PDGFD: variants seen among roughly 807,000 people sequenced by gnomAD.
PDGFD encodes the protein platelet-derived growth factor D.
A neutral mutation model predicts 44.7 loss-of-function variants in PDGFD; 30 were observed. The ratio of observed to expected loss-of-function variants is 0.67; its 90% CI spans 0.50 to 0.91. The LOEUF (loss-of-function observed/expected upper bound fraction) is 0.91, where lower values mean the gene tolerates loss of function less well. Among genes scored for constraint, PDGFD ranks in the 40% least tolerant of loss-of-function variants. The pLI, the probability that PDGFD is intolerant of heterozygous loss-of-function variation, is 0.00. For synonymous variants in PDGFD, 173 were observed against 168.4 expected, an observed-to-expected ratio of 1.03 and a Z score of -0.21; for missense variants, 445 against 457.8, an observed-to-expected ratio of 0.97 and a Z score of 0.25.
At chr11:104,151,457 T>C (rs559254923) in intron 1 of PDGFD, among the ~76,000 whole-genome samples, 24 of 152,280 alleles carry the variant, frequency 1.6e-4, no homozygotes, top group Middle Eastern at 3.4e-3. Context: ...TAGGTTCCCA[T>C]TGTTCTTAGA....
intron 5 of PDGFD, among the ~76,000 whole-genome samples, chr11:103,936,044 T>C (rs1278840165): frequency 2.0e-5 from 3 of 152,178 alleles, no homozygotes; most frequent in Non-Finnish European, 4.4e-5. Context: ...TAAATAAAAC[T>C]TTCACTTGGT....
chr11:104,112,093 G>A (rs1449423371), intron 1 of PDGFD, among the ~76,000 whole-genome samples: 2 of 152,102 alleles, frequency 1.3e-5, no homozygotes, highest in Non-Finnish European at 2.9e-5. Context: ...TAAATGCAAA[G>A]ATACTTATTA....
intron 3 of PDGFD, among the ~76,000 whole-genome samples, chr11:103,958,590 A>G (rs1250259268): frequency 6.6e-6 from 1 of 152,196 alleles, no homozygotes; most frequent in Non-Finnish European, 1.5e-5. Context: ...TTGCAAGCAC[A>G]GTGCCTGGTA....
intron 5 of PDGFD, among the ~76,000 whole-genome samples, chr11:103,928,082 G>A (rs151107569): frequency 6.6e-6 from 1 of 152,300 alleles, no homozygotes; most frequent in African/African-American, 2.4e-5. Context: ...GGACTTCTAT[G>A]AACTAAAAGC....
At chr11:103,947,440 T>C (rs1858682460) in intron 4 of PDGFD, among the ~76,000 whole-genome samples, 1 of 152,080 alleles carries the variant, frequency 6.6e-6, no homozygotes, top group African/African-American at 2.4e-5. Flanking sequence ...TGTGAGTTCC[T>C]ACCATGCTAT....
intron 1 of PDGFD, among the ~76,000 whole-genome samples, chr11:104,083,172 A>G (rs1361311940): frequency 6.6e-6 from 1 of 152,232 alleles, no homozygotes; most frequent in Non-Finnish European, 1.5e-5. Context: ...GTTTAAAGTT[A>G]TATATAGAAT....
Position 104,114,443 on chromosome 11 carries a change from A to G in PDGFD, c.124+49361T>C, listed in dbSNP as rs913764640. ...ATTTCTGTGCTCTCTATTCCGTTCC[A>G]CTGATCTATTGGTATATTGTTTTAA... On this transcript the variant is annotated intron_variant, in intron 1 of 6. Coordinates refer to ENST00000393158, the MANE Select transcript of PDGFD (RefSeq NM_025208.5). 3.9e-5 allele frequency among the ~76,000 whole-genome samples: 6 copies of G among 152,074 alleles called. No individual in the cohort carries two copies. The South Asian group carries it at 1.2e-3, about 32-fold the overall frequency.
In PDGFD at chr11:103,943,457, G is replaced by C; in HGVS notation, c.767C>G (p.Ser256Ter). Reference sequence around the variant, plus strand: ...TACAAGTGTCTGTCTCTTACCTTTTGACTTCCGGTCATGGTATGACCTGCC... The same window carrying C: ...TACAAGTGTCTGTCTCTTACCTTTTCACTTCCGGTCATGGTATGACCTGCC... ...YRGRSYHDRKSKVDLDRLNDD... is the reference protein window; with the variant it reads ...YRGRSYHDRK Residue 256 changes from serine to a stop codon, truncating the protein, a stop_gained, in exon 5 of 7, where the codon TCA becomes TGA. Coordinates refer to ENST00000393158, the MANE Select transcript of PDGFD (RefSeq NM_025208.5). LOFTEE classifies it high-confidence loss of function. The C allele has an allele frequency of 6.2e-7, 1 of 1,611,316 alleles. No homozygotes were observed. The highest frequency in any genetic ancestry group is 8.5e-7 in the Non-Finnish European group (1 of 1,178,834).
intron 6 of PDGFD, among the ~76,000 whole-genome samples, chr11:103,913,381 C>T (rs1444109297): frequency 6.6e-6 from 1 of 152,154 alleles, no homozygotes; most frequent in Non-Finnish European, 1.5e-5. Flanking sequence ...GGAAACTGAA[C>T]AACCTGCTCC....
chr11:104,071,722 T>C (rs1031037878), intron 1 of PDGFD, among the ~76,000 whole-genome samples: 3 of 151,780 alleles, frequency 2.0e-5, no homozygotes, highest in Non-Finnish European at 4.4e-5. Context: ...TGAGTTGTAG[T>C]TATGAAACCT....
intron 1 of PDGFD, among the ~76,000 whole-genome samples, chr11:104,060,001 G>A (rs919920413): frequency 6.6e-6 from 1 of 152,198 alleles, no homozygotes; most frequent in African/African-American, 2.4e-5. Flanking sequence ...GATAGCCTGA[G>A]GAGAAACATC....
At chr11:104,007,206 T>C (rs1859716186) in intron 1 of PDGFD, among the ~76,000 whole-genome samples, 1 of 152,160 alleles carries the variant, frequency 6.6e-6, no homozygotes, top group African/African-American at 2.4e-5. Flanking sequence ...CACTTTTCTA[T>C]TTCCGACCTT....
At chr11:104,141,558 C>G in intron 1 of PDGFD, among the ~76,000 whole-genome samples, 1 of 152,046 alleles carries the variant, frequency 6.6e-6, no homozygotes, top group East Asian at 1.9e-4. Flanking sequence ...CCTCAGCCTC[C>G]TGAGTATCTG....
chr11:104,073,987 T>C (rs929553489), intron 1 of PDGFD, among the ~76,000 whole-genome samples: 3 of 152,204 alleles, frequency 2.0e-5, no homozygotes, highest in African/African-American at 7.2e-5. Context: ...CACACTTTCT[T>C]TTAGTACACC....
intron 1 of PDGFD, among the ~76,000 whole-genome samples, chr11:104,097,811 G>T (rs184792253): frequency 1.3e-5 from 2 of 152,046 alleles, no homozygotes; most frequent in Non-Finnish European, 2.9e-5. Context: ...AATGGGCTTC[G>T]ACATGTCCTG....
intron 1 of PDGFD, among the ~76,000 whole-genome samples, chr11:104,055,368 G>T (rs1466367968): frequency 6.6e-6 from 1 of 152,028 alleles, no homozygotes; most frequent in African/African-American, 2.4e-5. Context: ...TTGTTGAAGG[G>T]GTAAATGATT....
At position 104,037,209 on chromosome 11, in the gene PDGFD, G is replaced by C. The variant is rs774253494; in HGVS notation, c.125-36954C>G. The C allele has an allele frequency of 5.6e-6, 9 of 1,613,604 alleles. No homozygotes were observed. In the East Asian group the frequency reaches 1.8e-4, roughly 32 times the overall value. On this transcript the variant is annotated intron_variant, in intron 1 of 6. Transcript: ENST00000393158. ...CTGCCCAGCGGTCACAGGGCTTGGC[G>C]TCAGGAGAGAAGGTGGCCGGCCTGC...
chr11:103,960,897 G>A (rs1858925740), intron 3 of PDGFD, among the ~76,000 whole-genome samples: 1 of 151,992 alleles, frequency 6.6e-6, no homozygotes, highest in Non-Finnish European at 1.5e-5. Context: ...TTCTTACAAG[G>A]GCACTAATCA....
rs566252448 is a variant in PDGFD, at chr11:103,958,964, T to C, written c.511-11240A>G. On this transcript the variant is annotated intron_variant, in intron 3 of 6. Coordinates refer to ENST00000393158, the MANE Select transcript of PDGFD (RefSeq NM_025208.5). ...ATCTGACTTTAGGGAGAAAATACCA[T>C]TTGAAGTCTAAAAGCCAAAGCCACA... Among the ~76,000 whole-genome samples, 24 of 152,298 alleles carry C rather than the reference T, an allele frequency of 1.6e-4. No individual in the cohort carries two copies. The South Asian group carries it at 1.9e-3, about 12-fold the overall frequency.
Sources: allele counts gnomAD v4.1 joint callset (sites outside exome capture counted in the v4.1 genomes callset), GRCh38; gene constraint gnomAD v4.1.1; transcripts MANE v1.5; gene names NCBI Gene and HGNC (gene_info 2026-07-23, HGNC 2026-07-21).